STAG1: variants seen among roughly 807,000 people sequenced by gnomAD.
STAG1 encodes the protein cohesin subunit SA-1.
Under a neutral mutation model 170.9 loss-of-function variants are expected in STAG1, and 26 were observed. The observed-to-expected ratio is 0.15, with a 90% confidence interval of 0.11 to 0.21. The LOEUF (loss-of-function observed/expected upper bound fraction) is 0.21, where lower values mean the gene tolerates loss of function less well. Among genes scored for constraint, STAG1 ranks in the 10% least tolerant of loss-of-function variants. STAG1 has a pLI of 1.00. For synonymous variants in STAG1, 514 were observed against 497.7 expected (o/e 1.03, Z -0.44); for missense variants, 964 against 1,509.5 (o/e 0.64, Z 5.99).
At chr3:136,350,132 C>T (rs1358548275) in intron 28 of STAG1, among the ~76,000 whole-genome samples, 1 of 151,586 alleles carries the variant, frequency 6.6e-6, no homozygotes, top group Non-Finnish European at 1.5e-5. Flanking sequence ...AGTCTGGAGA[C>T]TCCATTCAAA....
chr3:136,555,241 G>A (rs922275685), intron 5 of STAG1, among the ~76,000 whole-genome samples: 1 of 151,760 alleles, frequency 6.6e-6, no homozygotes, highest in African/African-American at 2.4e-5. Context: ...GCTGGGCATG[G>A]TCTTGCATGC....
chr3:136,725,793 G>C (rs1933630869), intron 1 of STAG1, among the ~76,000 whole-genome samples: 1 of 152,166 alleles, frequency 6.6e-6, no homozygotes, highest in African/African-American at 2.4e-5. Context: ...CCCTAAAATA[G>C]TGTTGTGTCT....
chr3:136,433,772 A>G, intron 15 of STAG1, 113 bp from the exon 16 acceptor site: 1 of 741,164 alleles, frequency 1.3e-6, no homozygotes, highest in South Asian at 1.7e-5. Flanking sequence ...CTTATTTTAA[A>G]GACTAAAGTT....
chr3:136,617,418 T>C (rs1301747934), intron 3 of STAG1, among the ~76,000 whole-genome samples: 1 of 152,232 alleles, frequency 6.6e-6, no homozygotes, highest in African/African-American at 2.4e-5. Context: ...ATATATTTTA[T>C]ATCCAGGCCT....
At chr3:136,682,773 T>C (rs930557173) in intron 1 of STAG1, among the ~76,000 whole-genome samples, 5 of 152,102 alleles carry the variant, frequency 3.3e-5, no homozygotes, top group Non-Finnish European at 5.9e-5. Context: ...GCTGAATATA[T>C]ACCCAAAAGA....
At chr3:136,698,552 T>C (rs1290606950) in intron 1 of STAG1, among the ~76,000 whole-genome samples, 3 of 152,178 alleles carry the variant, frequency 2.0e-5, no homozygotes, top group Non-Finnish European at 4.4e-5. Context: ...GGTAGGAATG[T>C]AAACTACTAC....
At chr3:136,462,122 T>C (rs2089291624) in intron 13 of STAG1, among the ~76,000 whole-genome samples, 1 of 151,962 alleles carries the variant, frequency 6.6e-6, no homozygotes, top group Non-Finnish European at 1.5e-5. Flanking sequence ...ACAGCAACAG[T>C]GGAAAACAGT....
intron 21 of STAG1, among the ~76,000 whole-genome samples, chr3:136,401,083 CCCA>C (rs1206221101): frequency 6.6e-6 from 1 of 152,066 alleles, no homozygotes; most frequent in East Asian, 1.9e-4. Flanking sequence ...ACACCAATAC[CCCA>C]CCTGTACACT....
chr3:136,635,766 T>TAGTTTTCAAG (rs1940526168), intron 1 of STAG1, among the ~76,000 whole-genome samples: 2 of 152,272 alleles, frequency 1.3e-5, no homozygotes, highest in South Asian at 4.2e-4. Flanking sequence ...AATAAGCTAT[T>TAGTTTTCAAG]ATAGCAAGGT....
chr3:136,612,440 T>A (rs2107817998), intron 3 of STAG1, among the ~76,000 whole-genome samples: 1 of 150,648 alleles, frequency 6.6e-6, no homozygotes. Flanking sequence ...ACTCCTTCTC[T>A]ACAAAAAAAT....
At chr3:136,554,204 C>G (rs1296186995) in intron 5 of STAG1, among the ~76,000 whole-genome samples, 1 of 151,842 alleles carries the variant, frequency 6.6e-6, no homozygotes, top group Non-Finnish European at 1.5e-5. Context: ...CATCTAATAA[C>G]ATATCAGGGA....
chr3:136,498,771 T>C (rs555980021), intron 9 of STAG1, among the ~76,000 whole-genome samples: 3 of 150,810 alleles, frequency 2.0e-5, no homozygotes, highest in African/African-American at 7.3e-5. Flanking sequence ...ATCAATAACA[T>C]GTTATACATG....
chr3:136,509,629 T>C (rs1028006929), intron 7 of STAG1, among the ~76,000 whole-genome samples: 1 of 151,924 alleles, frequency 6.6e-6, no homozygotes, highest in African/African-American at 2.4e-5. Context: ...GTGAAGAACA[T>C]TAAAAACATA....
chr3:136,544,770 A>C (rs1936080178), intron 5 of STAG1, among the ~76,000 whole-genome samples: 1 of 151,462 alleles, frequency 6.6e-6, no homozygotes, highest in East Asian at 1.9e-4. Flanking sequence ...AAAAAAAAAA[A>C]AGTTTATAGC....
At chr3:136,620,853 A>AT (rs1416130067) in intron 3 of STAG1, among the ~76,000 whole-genome samples, 1 of 152,252 alleles carries the variant, frequency 6.6e-6, no homozygotes, top group Non-Finnish European at 1.5e-5. Context: ...ATTATGTAGT[A>AT]GTAACTTCAG....
At chr3:136,738,592 A>C (rs1425773645) in intron 1 of STAG1, among the ~76,000 whole-genome samples, 1 of 152,160 alleles carries the variant, frequency 6.6e-6, no homozygotes, top group Non-Finnish European at 1.5e-5. Context: ...CAGAAGTTGC[A>C]GTGAGCCGAG....
intron 4 of STAG1, among the ~76,000 whole-genome samples, chr3:136,578,998 G>T (rs1042074488): frequency 6.6e-6 from 1 of 152,196 alleles, no homozygotes; most frequent in African/African-American, 2.4e-5. Flanking sequence ...ACATCCCTGG[G>T]AAATTGCAGA....
intron 7 of STAG1, among the ~76,000 whole-genome samples, chr3:136,514,912 T>G: frequency 1.3e-5 from 2 of 151,244 alleles, no homozygotes; most frequent in African/African-American, 2.4e-5. Flanking sequence ...GGGCCTGTCG[T>G]GGGGTGGGGG....
At chr3:136,750,794 C>G (rs1935187197) in intron 1 of STAG1, among the ~76,000 whole-genome samples, 1 of 152,226 alleles carries the variant, frequency 6.6e-6, no homozygotes, top group Non-Finnish European at 1.5e-5. Flanking sequence ...ATTTCTGCTT[C>G]TTTCCATTCC....
Sources: gnomAD v4.1 joint callset for allele counts (sites outside exome capture counted in the v4.1 genomes callset) on GRCh38, gnomAD v4.1.1 for gene constraint, MANE v1.5 for transcripts, NCBI Gene and HGNC (gene_info 2026-07-23, HGNC 2026-07-21) for gene names.